The following HDAC10 variants were observed in gnomAD, a reference collection of about 807,000 sequenced individuals.
HDAC10 encodes histone deacetylase 10.
A neutral mutation model predicts 82.3 loss-of-function variants in HDAC10; 90 were observed. The observed-to-expected ratio is 1.09, with a 90% confidence interval of 0.92 to 1.30. The LOEUF is 1.30. Among genes scored for constraint, HDAC10 ranks in the 50% most tolerant of loss-of-function variants. The probability of loss-of-function intolerance (pLI) is 0.00; values close to 1 mark genes in which losing one functional copy is unlikely to be tolerated. For missense variants in HDAC10, 934 were observed against 876.3 expected, an observed-to-expected ratio of 1.07 and a Z score of -0.83; for synonymous variants, 456 against 391.7, an observed-to-expected ratio of 1.16 and a Z score of -1.94.
Position 50,249,188 on chromosome 22 carries a change from T to C in HDAC10, c.691-20A>G. On this transcript the variant is annotated intron_variant, in intron 7 of 19. Transcript: ENST00000216271. The surrounding 1 kb of genome is among the most constrained non-coding windows in gnomAD (Gnocchi z 4.4). ...CCCAACCTGGCAGGACATCCCAGGC[T>C]ACATCCTGAACTGTGGGGCAGGGGA... The C allele has an allele frequency of 7.2e-7, 1 of 1,397,158 alleles. No homozygotes were observed. The highest frequency in any genetic ancestry group is 9.7e-7 in the Non-Finnish European group (1 of 1,031,438). The allele number at this position is 1,397,158 out of a possible 1,614,324, so 86.5% of individuals were successfully genotyped here.
Position 50,245,253 on chromosome 22 carries a change from A to C in HDAC10, c.*254T>G. 5.2e-6 allele frequency: 3 copies of C among 581,564 alleles called. No homozygotes were observed. Among genetic ancestry groups the C allele is most frequent in the Non-Finnish European group, 9.2e-6 (3 of 327,314 alleles). The allele number at this position is 581,564 out of a possible 1,614,324, so 36.0% of individuals were successfully genotyped here. ...AGCGCAGCGGGGCGCAGGGGCCGGA[A>C]CGGGACCGAGCGTGGGTTGCATGGG... On this transcript the variant is annotated 3_prime_UTR_variant, in exon 20 of 20. Transcript: ENST00000216271.
chr22:50,248,785 G>A lies in HDAC10; in HGVS notation c.817-34C>T, dbSNP rs753656540. On this transcript the variant is annotated intron_variant, in intron 9 of 19. Coordinates refer to ENST00000216271, the MANE Select transcript of HDAC10 (RefSeq NM_032019.6). The surrounding 1 kb of genome is among the most constrained non-coding windows in gnomAD (Gnocchi z 5.4). Reference sequence around the variant, plus strand: ...AGAGCCATGTGTGATGGGGGACCTGGGCCCCAGGACCCCAGAAGCCCTCCC... The same window carrying A: ...AGAGCCATGTGTGATGGGGGACCTGAGCCCCAGGACCCCAGAAGCCCTCCC... 7.5e-6 allele frequency: 12 copies of A among 1,599,116 alleles called. No homozygotes were observed. The highest frequency in any genetic ancestry group is 9.4e-6 in the Non-Finnish European group (11 of 1,173,054).
At position 50,249,947 on chromosome 22, in the gene HDAC10, C is replaced by T. The variant is rs1305037977; in HGVS notation, c.407G>A (p.Gly136Asp). Residue 136 changes from glycine to aspartate, a missense_variant, in exon 5 of 20, where the codon GGC (glycine) becomes GAC (aspartate). Coordinates refer to ENST00000216271, the MANE Select transcript of HDAC10 (RefSeq NM_032019.6). This position sits in a 1 kb window ranked among gnomAD's most constrained non-coding sequence, Gnocchi z 4.4. ...GAACCCGTTGGCAGCCGCCCTCTGGCCATGGTGCCCGGGAGGCCTACGGCG... is the reference window on the plus strand; with the variant it reads ...GAACCCGTTGGCAGCCGCCCTCTGGTCATGGTGCCCGGGAGGCCTACGGCG... ...LALVRPPGHHGQRAAANGFCV... is the reference protein window; with the variant it reads ...LALVRPPGHHDQRAAANGFCV... 1 of 1,612,772 alleles carries T rather than the reference C, an allele frequency of 6.2e-7. No individual in the cohort carries two copies.
In HDAC10 at chr22:50,248,182, G is replaced by A; in HGVS notation, c.1082-37C>T. On this transcript the variant is annotated intron_variant, in intron 12 of 19. Transcript: ENST00000216271. This position sits in a 1 kb window ranked among gnomAD's most constrained non-coding sequence, Gnocchi z 5.4. The stretch of plus-strand genomic sequence containing the variant: ...TCGGAGTCATAGCCACTGCACAGGA[G>A]CCCGAGGTGGGATCCTGCAGCCTAG... The A allele has an allele frequency of 1.3e-6, 2 of 1,599,358 alleles. No individual in the cohort carries two copies. The highest frequency in any genetic ancestry group is 1.1e-5 in the South Asian group (1 of 88,644).
chr22:50,248,425 T>A lies in HDAC10; in HGVS notation c.954A>T (p.Val318=). Residue 318 remains valine (V), a synonymous_variant, in exon 11 of 20, where the codon GTA becomes GTT. Transcript: ENST00000216271. The surrounding 1 kb of genome is among the most constrained non-coding windows in gnomAD (Gnocchi z 5.4). ...GGGCCGGGTCACCCAGCAGCGTCTG[T>A]ACTGTCATGCACACTGACTCCGCCA... ...ESLAESVCMT[V]QTLLGDPAPP... is the part of the protein sequence containing the mutation. 1 of 1,608,628 alleles carries A rather than the reference T, an allele frequency of 6.2e-7. No individual in the cohort carries two copies. The highest frequency in any genetic ancestry group is 8.5e-7 in the Non-Finnish European group (1 of 1,179,876).
Position 50,250,873 on chromosome 22 carries a change from A to T in HDAC10, c.92T>A (p.Leu31Gln). The T allele has an allele frequency of 1.2e-6, 2 of 1,601,704 alleles. No homozygotes were observed. The highest frequency in any genetic ancestry group is 1.7e-6 in the Non-Finnish European group (2 of 1,174,644). Reference protein sequence around the residue: ...PECEIERPERLTAALDRLRQR... With the variant: ...PECEIERPERQTAALDRLRQR... ...CCGCAGGCGATCCAGGGCTGCGGTCAGGCGCTCAGGACGCTCGATCTCGCA... is the reference window on the plus strand; with the variant it reads ...CCGCAGGCGATCCAGGGCTGCGGTCTGGCGCTCAGGACGCTCGATCTCGCA... The change falls in exon 2 of 20, where the codon CTG becomes CAG. Residue 31 changes from leucine (L) to glutamine (Q), a missense_variant. Leu to Gln is a moderately radical substitution (Grantham distance 113). Coordinates refer to ENST00000216271, the MANE Select transcript of HDAC10 (RefSeq NM_032019.6).
At chr22:50,250,944 C>G (rs780425650) in intron 1 of HDAC10, 30 bp downstream of exon 1, 4 of 1,610,248 alleles carry the variant, frequency 2.5e-6, no homozygotes, top group African/African-American at 1.3e-5. Context: ...GGTCCCTCCC[C>G]GCACCCCACC....
At chr22:50,245,580 C>G in intron 19 of HDAC10, 50 bp from the exon 20 acceptor site, 5 of 1,502,486 alleles carry the variant, frequency 3.3e-6, no homozygotes, top group South Asian at 2.3e-5. Flanking sequence ...GGCGCTGGAG[C>G]TGGTTCAGGG....
chr22:50,248,487 G>A lies in HDAC10; in HGVS notation c.907-15C>T. ...TGGTAGCCGCCCTGGGAGGAGGGTG[G>A]AGACATGATTGGGGCAGAGATATCA... On this transcript the variant is annotated splice_polypyrimidine_tract_variant and intron_variant, in intron 10 of 19. Coordinates refer to ENST00000216271, the MANE Select transcript of HDAC10 (RefSeq NM_032019.6). The surrounding 1 kb of genome is among the most constrained non-coding windows in gnomAD (Gnocchi z 5.4). 6.3e-7 allele frequency: 1 copy of A among 1,599,546 alleles called. No individual in the cohort carries two copies. The highest frequency in any genetic ancestry group is 8.5e-7 in the Non-Finnish European group (1 of 1,176,708).
Position 50,249,458 on chromosome 22 carries a change from C to T in HDAC10, c.564-4G>A, listed in dbSNP as rs2065033583. 4 of 1,612,496 alleles carry T rather than the reference C, an allele frequency of 2.5e-6. No individual in the cohort carries two copies. Among genetic ancestry groups the T allele is most frequent in the Non-Finnish European group, 3.4e-6 (4 of 1,179,826 alleles). ...GTGCCAGGAGAAGTAAAGGACGCTG[C>T]CAACAGCCAGCCAGGGCCAGAGGTC... is the stretch of plus-strand genomic sequence containing the variant. On this transcript the variant is annotated splice_polypyrimidine_tract_variant and splice_region_variant and intron_variant, in intron 6 of 19. Coordinates refer to ENST00000216271, the MANE Select transcript of HDAC10 (RefSeq NM_032019.6). The surrounding 1 kb of genome is among the most constrained non-coding windows in gnomAD (Gnocchi z 4.4).
rs775182890 is a variant in HDAC10 at position 50,249,279 on chromosome 22, G to T, written c.690+49C>A. 3 of 1,050,392 alleles carry T rather than the reference G, an allele frequency of 2.9e-6. No individual in the cohort carries two copies. Among genetic ancestry groups the T allele is most frequent in the Admixed American group, 2.4e-5 (1 of 41,984 alleles). 65.1% of individuals were successfully genotyped at this position (1,050,392 alleles called of 1,614,324 possible). A position where few individuals can be genotyped will look rare whatever the true frequency, so the allele number is the denominator to read the frequency against. On this transcript the variant is annotated intron_variant, in intron 7 of 19. Transcript: ENST00000216271. The surrounding 1 kb of genome is among the most constrained non-coding windows in gnomAD (Gnocchi z 4.4). ...GGGTGAACTGTGGGGGAGGGGAGGG[G>T]CCCAGGGGGAGGGGGCTGGGTGGGG... is the stretch of plus-strand genomic sequence containing the variant.
In HDAC10 at chr22:50,245,834, C is replaced by G. The variant is rs893192076; in HGVS notation, c.1834-7G>C. On this transcript the variant is annotated splice_region_variant and splice_polypyrimidine_tract_variant and intron_variant, in intron 18 of 19. Transcript: ENST00000216271. ...CTAGCTGGGGTGTGGAGTTCTGGAC[C>G]AGGGGCGAAGACGGAAGCAGTCACT... 2 of 1,564,392 alleles carry G rather than the reference C, an allele frequency of 1.3e-6. No homozygotes were observed. The highest frequency in any genetic ancestry group is 1.4e-5 in the African/African-American group (1 of 73,486).
In HDAC10 at chr22:50,248,636, C is replaced by G; in HGVS notation, c.906+26G>C. The G allele has an allele frequency of 6.7e-7, 1 of 1,482,504 alleles. No homozygotes were observed. The allele number at this position is 1,482,504 out of a possible 1,614,324, so 91.8% of individuals were successfully genotyped here. ...ACCCCCAGGCCTCTGGCCCAGAGAC[C>G]CTCCCTGTGTGCCCTCCCCAGTCAC... On this transcript the variant is annotated intron_variant, in intron 10 of 19. Transcript: ENST00000216271. This position sits in a 1 kb window ranked among gnomAD's most constrained non-coding sequence, Gnocchi z 5.4.
In HDAC10 at chr22:50,246,935, G is replaced by A. The variant is rs760207705; in HGVS notation, c.1454C>T (p.Ser485Phe). 1.9e-6 allele frequency: 3 copies of A among 1,611,552 alleles called. No individual in the cohort carries two copies. The highest frequency in any genetic ancestry group is 1.3e-5 in the African/African-American group (1 of 74,918). ...CACATCCAGGGTGGCTGCTGCAGCA[G>A]AGGCTGGAGTGGCTGCTATACCACT... ...VNSGIAATPA[S>F]AAAATLDVAV... is the part of the protein sequence containing the mutation. Residue 485 changes from serine to phenylalanine, a missense_variant, in exon 15 of 20, where the codon TCT (serine) becomes TTT (phenylalanine). Transcript: ENST00000216271.
Position 50,248,669 on chromosome 22 carries a change from A to G in HDAC10, c.899T>C (p.Val300Ala), listed in dbSNP as rs375798796. The G allele has an allele frequency of 2.4e-4, 356 of 1,511,168 alleles. No homozygotes were observed. Among genetic ancestry groups the G allele is most frequent in the Non-Finnish European group, 3.0e-4 (342 of 1,127,198 alleles). 93.6% of individuals were successfully genotyped at this position (1,511,168 alleles called of 1,614,324 possible). Reference protein sequence around the residue: ...QVLAGGRVCAVLEGGYHLESL... With the variant: ...QVLAGGRVCAALEGGYHLESL... ...TGTGCCCTCCCCAGTCACCTCCAGC[A>G]CGGCACAGACCCGGCCGCCGGCCAG... The change falls in exon 10 of 20, where the codon GTG becomes GCG. Residue 300 changes from valine to alanine, a missense_variant. Physicochemically the swap from Val to Ala is moderately conservative, Grantham distance 64. Coordinates refer to ENST00000216271, the MANE Select transcript of HDAC10 (RefSeq NM_032019.6). This position sits in a 1 kb window ranked among gnomAD's most constrained non-coding sequence, Gnocchi z 5.4.
Position 50,249,686 on chromosome 22 carries a change from C to T in HDAC10, c.512G>A (p.Trp171Ter). The T allele has an allele frequency of 1.2e-6, 2 of 1,612,758 alleles. No homozygotes were observed. The highest frequency in any genetic ancestry group is 1.7e-6 in the Non-Finnish European group (2 of 1,179,956). Residue 171 changes from tryptophan to a stop codon, truncating the protein, a stop_gained, in exon 6 of 20, where the codon TGG (tryptophan) becomes TAG (stop). Coordinates refer to ENST00000216271, the MANE Select transcript of HDAC10 (RefSeq NM_032019.6). LOFTEE classifies it high-confidence loss of function. The surrounding 1 kb of genome is among the most constrained non-coding windows in gnomAD (Gnocchi z 4.4). Reference protein sequence around the residue: ...HGLHRILVVDWDVHHGQGIQY... With the variant: ...HGLHRILVVD ...GATCCCCTGGCCATGGTGCACATCC[C>T]AGTCCACGACGAGGATCCTGGGTAC...
intron 14 of HDAC10, 93 bp from the exon 15 acceptor site, chr22:50,247,059 G>T: frequency 1.4e-6 from 1 of 720,200 alleles, no homozygotes; most frequent in Non-Finnish European, 2.3e-6. Flanking sequence ...GTGTGTCTCT[G>T]CGGCTACTGT....
chr22:50,247,965 A>G lies in HDAC10; in HGVS notation c.1262T>C (p.Ile421Thr). Residue 421 changes from isoleucine to threonine, a missense_variant, in exon 13 of 20, where the codon ATC (isoleucine) becomes ACC (threonine). Physicochemically the swap from Ile to Thr is moderately conservative, Grantham distance 89. Transcript: ENST00000216271. ...RTAVALTTPD[I>T]TLVLPPDVIQ... ...GACGTCAGGGGGCAGAACCAATGTG[A>G]TATCCGGCGTTGTCAGGGCAACAGC... The G allele has an allele frequency of 6.2e-7, 1 of 1,612,840 alleles. No homozygotes were observed. Among genetic ancestry groups the G allele is most frequent in the South Asian group, 1.1e-5 (1 of 91,086 alleles).
chr22:50,250,919 G>A lies in HDAC10; in HGVS notation c.60-14C>T. 1 of 1,606,076 alleles carries A rather than the reference G, an allele frequency of 6.2e-7. No homozygotes were observed. Among genetic ancestry groups the A allele is most frequent in the South Asian group, 1.1e-5 (1 of 90,170 alleles). On this transcript the variant is annotated splice_polypyrimidine_tract_variant and intron_variant, in intron 1 of 19. Transcript: ENST00000216271. ...TCGCACTCGGGGCTGGGGCAGATGAGGAGCTCAGTTCAGAGGTCCCTCCCC... is the reference window on the plus strand; with the variant it reads ...TCGCACTCGGGGCTGGGGCAGATGAAGAGCTCAGTTCAGAGGTCCCTCCCC...
Sources: allele counts gnomAD v4.1 joint callset, GRCh38; gene constraint gnomAD v4.1.1; non-coding constraint Gnocchi (gnomAD v3.1); transcripts MANE v1.5; gene names NCBI Gene and HGNC (gene_info 2026-07-23, HGNC 2026-07-21).